Variants in UGT1A4 observed in about 807,000 individuals in gnomAD.
UGT1A4 encodes the protein UDP glucuronosyltransferase family 1 member A4.
A neutral mutation model predicts 41.1 loss-of-function variants in UGT1A4; 32 were observed. The observed-to-expected ratio is 0.78, with a 90% confidence interval of 0.59 to 1.05. The LOEUF (loss-of-function observed/expected upper bound fraction) is 1.05, where lower values mean the gene tolerates loss of function less well. Among genes scored for constraint, UGT1A4 ranks in the 50% least tolerant of loss-of-function variants. The probability of loss-of-function intolerance (pLI) is 0.00; values close to 1 mark genes in which losing one functional copy is unlikely to be tolerated. For synonymous variants in UGT1A4, 283 were observed against 265.1 expected, an observed-to-expected ratio of 1.07 and a Z score of -0.66; for missense variants, 748 against 677.4, an observed-to-expected ratio of 1.10 and a Z score of -1.16.
In UGT1A4 at chr2:233,772,954, T is replaced by C; in HGVS notation, c.*395T>C. 6.3e-6 allele frequency: 2 copies of C among 319,870 alleles called. No individual in the cohort carries two copies. Among genetic ancestry groups the C allele is most frequent in the Non-Finnish European group, 1.2e-5 (2 of 168,958 alleles). 19.8% of individuals were successfully genotyped at this position (319,870 alleles called of 1,614,324 possible). ...CTTATCTTTTGGCTTCTGCAGATGG[T>C]TGCAATTGATCCTTAACCAATAATG... On this transcript the variant is annotated 3_prime_UTR_variant, in exon 5 of 5. Transcript: ENST00000373409.
At chr2:233,729,952 A>G (rs1448205377) in intron 1 of UGT1A4, 1 of 1,614,072 alleles carries the variant, frequency 6.2e-7, no homozygotes, top group African/African-American at 1.3e-5. Flanking sequence ...CATGGTCTTC[A>G]TTGGGGGCAT....
At chr2:233,724,342 C>T (rs1220787897) in intron 1 of UGT1A4, among the ~76,000 whole-genome samples, 6 of 135,502 alleles carry the variant, frequency 4.4e-5, no homozygotes, top group Non-Finnish European at 8.0e-5. Flanking sequence ...GGGGGCTGAC[C>T]CCCCCCACCT....
Position 233,767,047 on chromosome 2 carries a change from A to G in UGT1A4, c.881A>G (p.Tyr294Cys). Residue 294 changes from tyrosine to cysteine, a missense_variant, in exon 2 of 5, where the codon TAC (tyrosine) becomes TGC (cysteine). Physicochemically the swap from Tyr to Cys is radical, Grantham distance 194. Coordinates refer to ENST00000373409, the MANE Select transcript of UGT1A4 (RefSeq NM_007120.3). The stretch of plus-strand genomic sequence containing the variant: ...TTCTGGCTCTAGGAATTTGAAGCCT[A>G]CATTAATGCTTCTGGAGAACATGGA... Reference protein sequence around the residue: ...GKPLSQEFEAYINASGEHGIV... With the variant: ...GKPLSQEFEACINASGEHGIV... The G allele has an allele frequency of 6.2e-7, 1 of 1,614,154 alleles. No homozygotes were observed. The highest frequency in any genetic ancestry group is 8.5e-7 in the Non-Finnish European group (1 of 1,180,014).
At chr2:233,767,265 T>G in intron 2 of UGT1A4, 100 bp downstream of exon 2, 2 of 1,588,600 alleles carry the variant, frequency 1.3e-6, no homozygotes. Flanking sequence ...GAACCTTAGA[T>G]TTGGCTTTTC....
chr2:233,754,977 T>C (rs754870869), intron 1 of UGT1A4: 1 of 1,298,334 alleles, frequency 7.7e-7, no homozygotes, highest in Non-Finnish European at 1.0e-6. Context: ...CCTGAAGACC[T>C]CGGCGGGGTC....
At chr2:233,745,974 G>A (rs1693271191) in intron 1 of UGT1A4, among the ~76,000 whole-genome samples, 1 of 151,654 alleles carries the variant, frequency 6.6e-6, no homozygotes, top group Non-Finnish European at 1.5e-5. Flanking sequence ...CCCTGAAATG[G>A]GACCATGACA....
chr2:233,754,685 T>G (rs1172577930), intron 1 of UGT1A4: 1 of 484,648 alleles, frequency 2.1e-6, no homozygotes, highest in African/African-American at 2.0e-5. Context: ...CATCAACTAT[T>G]TCAGTGGAAG....
intron 1 of UGT1A4, among the ~76,000 whole-genome samples, chr2:233,748,399 G>T (rs1575689614): frequency 6.6e-6 from 1 of 151,790 alleles, no homozygotes; most frequent in East Asian, 1.9e-4. Context: ...AAGGAGCAGG[G>T]ACACTACATT....
intron 1 of UGT1A4, chr2:233,729,114 G>A: frequency 6.2e-7 from 1 of 1,612,948 alleles, no homozygotes. Context: ...AGCTGTCCGT[G>A]TCTTCTGCTG....
chr2:233,737,830 A>T (rs1690602817), intron 1 of UGT1A4, among the ~76,000 whole-genome samples: 1 of 152,126 alleles, frequency 6.6e-6, no homozygotes, highest in South Asian at 2.1e-4. Flanking sequence ...ACAAATTGGG[A>T]ACTGTGGCAC....
chr2:233,760,179 T>C (rs2125979771), intron 1 of UGT1A4: 1 of 1,547,106 alleles, frequency 6.5e-7, no homozygotes, highest in South Asian at 1.2e-5. Flanking sequence ...TGACAGCTTT[T>C]TATAGTCACG....
chr2:233,724,478 T>C (rs865902503), intron 1 of UGT1A4, among the ~76,000 whole-genome samples: 108 of 60,136 alleles, frequency 1.8e-3, no homozygotes, highest in South Asian at 3.9e-3. Flanking sequence ...TCCTCACTTC[T>C]CAGACGGGGC....
intron 1 of UGT1A4, among the ~76,000 whole-genome samples, chr2:233,746,122 CTG>C: frequency 6.6e-6 from 1 of 151,872 alleles, no homozygotes; most frequent in Non-Finnish European, 1.5e-5. Flanking sequence ...GTCTGCAAAA[CTG>C]TGGACTGGCA....
In UGT1A4 at chr2:233,719,439, T is replaced by C. The variant is rs2076766360; in HGVS notation, c.619T>C (p.Phe207Leu). The C allele has an allele frequency of 6.2e-7, 1 of 1,613,970 alleles. No homozygotes were observed. The highest frequency in any genetic ancestry group is 8.5e-7 in the Non-Finnish European group (1 of 1,179,850). The stretch of plus-strand genomic sequence containing the variant: ...AACGACCAATTCAGACCACATGACA[T>C]TCCTGCAAAGGGTCAAGAACATGCT... ...LLTTNSDHMT[F>L]LQRVKNMLYP... Residue 207 changes from phenylalanine to leucine, a missense_variant, in exon 1 of 5, where the codon TTC becomes CTC. By Grantham distance (22) the Phe-to-Leu change is conservative. Transcript: ENST00000373409.
intron 1 of UGT1A4, among the ~76,000 whole-genome samples, chr2:233,731,931 T>A (rs963793811): frequency 5.3e-5 from 8 of 152,216 alleles, no homozygotes; most frequent in Non-Finnish European, 1.0e-4. Context: ...TTTCTCCACA[T>A]CCTCTCCAAC....
At chr2:233,750,013 A>T (rs1694334722) in intron 1 of UGT1A4, among the ~76,000 whole-genome samples, 1 of 151,828 alleles carries the variant, frequency 6.6e-6, no homozygotes, top group East Asian at 1.9e-4. Context: ...TGCCATGGAG[A>T]GTGGAGTACT....
intron 1 of UGT1A4, among the ~76,000 whole-genome samples, chr2:233,746,438 T>C (rs1187941624): frequency 1.3e-5 from 2 of 151,694 alleles, no homozygotes; most frequent in African/African-American, 4.9e-5. Context: ...TGTCTTCAGC[T>C]TAAAAAGAAA....
intron 1 of UGT1A4, chr2:233,743,866 C>G (rs1227330853): frequency 7.3e-7 from 1 of 1,367,058 alleles, no homozygotes; most frequent in Non-Finnish European, 9.8e-7. Context: ...TCTTGATGGC[C>G]TCGGATGAGG....
chr2:233,750,143 G>C (rs1694374277), intron 1 of UGT1A4, among the ~76,000 whole-genome samples: 1 of 151,908 alleles, frequency 6.6e-6, no homozygotes, highest in Admixed American at 6.5e-5. Context: ...GAACTTCCTA[G>C]AGACTTGTTG....
Sources: gnomAD v4.1 joint callset for allele counts (sites outside exome capture counted in the v4.1 genomes callset) on GRCh38, gnomAD v4.1.1 for gene constraint, MANE v1.5 for transcripts, NCBI Gene and HGNC (gene_info 2026-07-23, HGNC 2026-07-21) for gene names.